Variants in LMNB1 observed in about 807,000 individuals in gnomAD.
The protein encoded by LMNB1 is lamin B1.
Under a neutral mutation model 67.1 loss-of-function variants are expected in LMNB1, and 23 were observed. That is an observed-to-expected ratio of 0.34 (90% CI 0.25 to 0.49). The LOEUF is 0.49. LMNB1 is among the 20% of genes least tolerant of loss of function. The probability of loss-of-function intolerance (pLI) is 0.99; values close to 1 mark genes in which losing one functional copy is unlikely to be tolerated. For synonymous variants in LMNB1, 281 were observed against 282.9 expected (o/e 0.99, Z 0.07); for missense variants, 634 against 746.5 (o/e 0.85, Z 1.76).
intron 1 of LMNB1, among the ~76,000 whole-genome samples, chr5:126,803,523 C>T (rs1751340449): frequency 6.6e-6 from 1 of 151,922 alleles, no homozygotes; most frequent in Non-Finnish European, 1.5e-5. Context: ...GCTGGGATTA[C>T]AGGCATGAGC....
chr5:126,811,119 A>T (rs1467461957), intron 4 of LMNB1, among the ~76,000 whole-genome samples: 1 of 152,246 alleles, frequency 6.6e-6, no homozygotes, highest in East Asian at 1.9e-4. Context: ...AGATCTTATT[A>T]TAAGCAGTAA....
intron 1 of LMNB1, among the ~76,000 whole-genome samples, chr5:126,799,864 G>A (rs1356495259): frequency 1.3e-5 from 2 of 152,198 alleles, no homozygotes; most frequent in Admixed American, 1.3e-4. Flanking sequence ...CTTATGAGAA[G>A]AGACTATAAA....
chr5:126,833,393 C>T (rs535745585), intron 10 of LMNB1, among the ~76,000 whole-genome samples: 15 of 152,204 alleles, frequency 9.9e-5, no homozygotes, highest in African/African-American at 2.6e-4. Flanking sequence ...TGTTTGAGTC[C>T]GATCATTAAT....
At chr5:126,812,033 T>C (rs1751590695) in intron 5 of LMNB1, 135 bp downstream of exon 5, 3 of 770,828 alleles carry the variant, frequency 3.9e-6, no homozygotes, top group Non-Finnish European at 6.2e-6. Context: ...TGCTTTCGTC[T>C]TCACAGTACT....
At chr5:126,782,707 G>T (rs1300944438) in intron 1 of LMNB1, among the ~76,000 whole-genome samples, 1 of 151,576 alleles carries the variant, frequency 6.6e-6, no homozygotes, top group South Asian at 2.1e-4. Context: ...CCGCCACCAC[G>T]CCCAGGTAAT....
Position 126,821,024 on chromosome 5 carries a change from G to T in LMNB1, c.1275G>T (p.Glu425Asp). The change falls in exon 7 of 11, where the codon GAG (glutamate) becomes GAT (aspartate). Residue 425 changes from glutamate to aspartate, a missense_variant. Glu to Asp is a conservative substitution (Grantham distance 45, BLOSUM62 2). Transcript: ENST00000261366. ...AGAGGGTTGATGTGGAAGAATCAGA[G>T]GCGAGTAGTAGTGTTAGCATCTCTC... ...KRKRVDVEES[E>D]ASSSVSISHS... 1.2e-6 allele frequency: 2 copies of T among 1,614,034 alleles called. No individual in the cohort carries two copies. The highest frequency in any genetic ancestry group is 1.7e-6 in the Non-Finnish European group (2 of 1,179,932).
chr5:126,798,207 C>G (rs1394170934), intron 1 of LMNB1, among the ~76,000 whole-genome samples: 1 of 151,844 alleles, frequency 6.6e-6, no homozygotes, highest in Non-Finnish European at 1.5e-5. Flanking sequence ...AATCCCAGCA[C>G]TTTGGGAGGC....
At chr5:126,818,505 G>A (rs888648066) in intron 5 of LMNB1, among the ~76,000 whole-genome samples, 10 of 152,148 alleles carry the variant, frequency 6.6e-5, no homozygotes, top group African/African-American at 1.9e-4. Context: ...GCCTCCCAAA[G>A]TGTTGGGATT....
At chr5:126,832,669 T>C in intron 9 of LMNB1, 25 bp from the exon 10 acceptor site, 1 of 1,533,100 alleles carries the variant, frequency 6.5e-7, no homozygotes, top group Non-Finnish European at 9.0e-7. Flanking sequence ...GTGTGTTTTT[T>C]AACTTAAACT....
chr5:126,792,632 A>G (rs1750991320), intron 1 of LMNB1, among the ~76,000 whole-genome samples: 1 of 131,846 alleles, frequency 7.6e-6, no homozygotes, highest in African/African-American at 3.0e-5. Flanking sequence ...GCTGGAGTGC[A>G]GTGGCGCGAT....
chr5:126,785,186 C>T (rs1385288204), intron 1 of LMNB1, among the ~76,000 whole-genome samples: 1 of 149,474 alleles, frequency 6.7e-6, no homozygotes, highest in Non-Finnish European at 1.5e-5. Context: ...CGGGGTTTCA[C>T]CATGTCGGCC....
At chr5:126,780,314 A>T (rs986212676) in intron 1 of LMNB1, among the ~76,000 whole-genome samples, 1 of 152,108 alleles carries the variant, frequency 6.6e-6, no homozygotes, top group South Asian at 2.1e-4. Flanking sequence ...GTAGTGGGGG[A>T]GCTATATCCC....
chr5:126,800,982 A>ATTTTTTTTTTTTTT (rs57114367), intron 1 of LMNB1, among the ~76,000 whole-genome samples: 347 of 18,544 alleles, frequency 0.019, 16 homozygotes, highest in African/African-American at 0.024. Context: ...TATATATATA[A>ATTTTTTTTTTTTTT]TTTTTTTTTT....
intron 9 of LMNB1, among the ~76,000 whole-genome samples, chr5:126,831,344 C>T (rs1561755886): frequency 6.6e-6 from 1 of 152,232 alleles, no homozygotes; most frequent in South Asian, 2.1e-4. Flanking sequence ...TCAGGTTAGC[C>T]TTGTGCTTAA....
intron 8 of LMNB1, among the ~76,000 whole-genome samples, chr5:126,824,449 A>T (rs1751942765): frequency 6.6e-6 from 1 of 152,144 alleles, no homozygotes; most frequent in Non-Finnish European, 1.5e-5. Flanking sequence ...CTTACAGCAC[A>T]TTCATTTCAG....
Position 126,823,275 on chromosome 5 carries a change from C to A in LMNB1, c.1491+390C>A, listed in dbSNP as rs145788509. On this transcript the variant is annotated intron_variant, in intron 8 of 10. Coordinates refer to ENST00000261366, the MANE Select transcript of LMNB1 (RefSeq NM_005573.4). ...TTTGGGTAGTATTTTGGTGTTCAGG[C>A]CCTACTTCACCCTTTGCTATCTTTA... Among the ~76,000 whole-genome samples the A allele has an allele frequency of 2.8e-4, 42 of 152,262 alleles. No individual in the cohort carries two copies. In the East Asian group the frequency reaches 7.9e-3, roughly 29 times the overall value.
At chr5:126,783,487 A>G (rs1750684331) in intron 1 of LMNB1, among the ~76,000 whole-genome samples, 1 of 152,090 alleles carries the variant, frequency 6.6e-6, no homozygotes, top group Non-Finnish European at 1.5e-5. Flanking sequence ...TCAAGGGAAG[A>G]CTTGGAAGGA....
chr5:126,832,488 C>T (rs1051408155), intron 9 of LMNB1, among the ~76,000 whole-genome samples: 5 of 152,004 alleles, frequency 3.3e-5, no homozygotes, highest in South Asian at 4.2e-4. Flanking sequence ...TTAGTAGAGA[C>T]GGGGTTTCAC....
chr5:126,788,905 G>T lies in LMNB1; in HGVS notation c.359+11038G>T, dbSNP rs200761422. ...AGACAAGTTTTTTTTTGTTTTTTTTGTTTTTTTTTTTTGAGACAAGGTCTT... is the reference window on the plus strand; with the variant it reads ...AGACAAGTTTTTTTTTGTTTTTTTTTTTTTTTTTTTTTGAGACAAGGTCTT... On this transcript the variant is annotated intron_variant, in intron 1 of 10. Transcript: ENST00000261366. 7.0e-3 allele frequency among the ~76,000 whole-genome samples: 1,012 copies of T among 143,882 alleles called. 16 individuals carry two copies. The highest frequency in any genetic ancestry group is 0.024 in the African/African-American group (923 of 39,164). The allele number at this position is 143,882 out of a possible 152,430, so 94.4% of individuals were successfully genotyped here.
Sources: gnomAD v4.1 joint callset for allele counts (sites outside exome capture counted in the v4.1 genomes callset) on GRCh38, gnomAD v4.1.1 for gene constraint, MANE v1.5 for transcripts, NCBI Gene and HGNC (gene_info 2026-07-23, HGNC 2026-07-21) for gene names.